ACACA: variants seen among roughly 807,000 people sequenced by gnomAD.
The protein encoded by ACACA is acetyl-CoA carboxylase 1.
A neutral mutation model predicts 296.1 loss-of-function variants in ACACA; 103 were observed. That is an observed-to-expected ratio of 0.35 (90% CI 0.30 to 0.41). The LOEUF is 0.41. ACACA is among the 10% of genes least tolerant of loss of function. The probability of loss-of-function intolerance (pLI) is 1.00; values close to 1 mark genes in which losing one functional copy is unlikely to be tolerated. For synonymous variants in ACACA, 953 were observed against 1,038.6 expected (o/e 0.92, Z 1.58); for missense variants, 1,554 against 2,989.7 (o/e 0.52, Z 11.20).
chr17:37,123,583 C>T lies in ACACA; in HGVS notation c.6042-956G>A, dbSNP rs545098888. Among the ~76,000 whole-genome samples, 68 of 152,272 alleles carry T rather than the reference C, an allele frequency of 4.5e-4. No individual in the cohort carries two copies. In the South Asian group the frequency reaches 0.014, roughly 31 times the overall value. On this transcript the variant is annotated intron_variant, in intron 48 of 55. Transcript: ENST00000616317. ...CACAGCATCTCCATAACAAACTTTT[C>T]CATGACAGATGGCCTTTGGTTGTTA...
chr17:37,153,526 C>T lies in ACACA; in HGVS notation c.5448-2105G>A, dbSNP rs185100003. ...TAGATTTTTGAAGTTTCTGTGAAAA[C>T]TCAATGAAGAACAAGAAATGTGGGT... is the stretch of plus-strand genomic sequence containing the variant. On this transcript the variant is annotated intron_variant, in intron 43 of 55. Transcript: ENST00000616317. 5.9e-3 allele frequency among the ~76,000 whole-genome samples: 905 copies of T among 152,226 alleles called. 7 individuals carry two copies. Among genetic ancestry groups the T allele is most frequent in the Middle Eastern group, 0.017 (5 of 294 alleles).
chr17:37,244,969 G>C, intron 20 of ACACA, 111 bp downstream of exon 20: 1 of 1,515,040 alleles, frequency 6.6e-7, no homozygotes, highest in Non-Finnish European at 9.2e-7. Flanking sequence ...ATTAATAGGG[G>C]ACAAAGCTAA....
intron 1 of ACACA, chr17:37,388,659 C>G: frequency 1.9e-6 from 3 of 1,611,048 alleles, no homozygotes; most frequent in Non-Finnish European, 2.5e-6. Flanking sequence ...CCACTCCCCT[C>G]TCTCCTTTAG....
At chr17:37,344,175 T>A (rs1417111950) in intron 1 of ACACA, among the ~76,000 whole-genome samples, 4 of 152,092 alleles carry the variant, frequency 2.6e-5, no homozygotes, top group Non-Finnish European at 4.4e-5. Flanking sequence ...ACACCTGTAA[T>A]CCCAGCATTC....
At chr17:37,164,715 A>T (rs1198808892) in intron 41 of ACACA, among the ~76,000 whole-genome samples, 1 of 152,110 alleles carries the variant, frequency 6.6e-6, no homozygotes, top group Non-Finnish European at 1.5e-5. Context: ...TCTAACCCCA[A>T]ACCTTTTGTT....
intron 11 of ACACA, among the ~76,000 whole-genome samples, chr17:37,259,954 T>C (rs576672642): frequency 3.3e-5 from 5 of 150,144 alleles, no homozygotes; most frequent in Admixed American, 6.7e-5. Flanking sequence ...ATCTCGTGGC[T>C]CACTGCAAAC....
chr17:37,383,254 C>T (rs1351519852), intron 1 of ACACA, among the ~76,000 whole-genome samples: 1 of 152,056 alleles, frequency 6.6e-6, no homozygotes, highest in Non-Finnish European at 1.5e-5. Flanking sequence ...CAATTAAGGA[C>T]ATTAGCTCTT....
chr17:37,331,281 C>A (rs1437320865), intron 2 of ACACA, among the ~76,000 whole-genome samples: 1 of 151,314 alleles, frequency 6.6e-6, no homozygotes, highest in African/African-American at 2.4e-5. Context: ...CAACACCCAG[C>A]TAATTTTTTG....
intron 25 of ACACA, among the ~76,000 whole-genome samples, chr17:37,233,376 AAGGAGCG>A (rs1448309493): frequency 2.0e-5 from 3 of 152,304 alleles, no homozygotes; most frequent in Non-Finnish European, 4.4e-5. Context: ...CACTCCGCAA[AAGGAGCG>A]AGCTGAGCCC....
At chr17:37,305,904 G>GTTTTT (rs200591761) in intron 3 of ACACA, among the ~76,000 whole-genome samples, 8 of 95,798 alleles carry the variant, frequency 8.4e-5, no homozygotes, top group Non-Finnish European at 1.8e-4. Flanking sequence ...TTTTTTTTTT[G>GTTTTT]TTTTTTTTTT....
chr17:37,181,432 G>A (rs2077313138), intron 39 of ACACA, 76 bp from the exon 40 acceptor site: 38 of 1,506,966 alleles, frequency 2.5e-5, no homozygotes, highest in Non-Finnish European at 3.4e-5. Context: ...GGCTTTTTTT[G>A]CACAAATATT....
chr17:37,286,172 G>A (rs2082762760), intron 3 of ACACA, among the ~76,000 whole-genome samples: 1 of 152,128 alleles, frequency 6.6e-6, no homozygotes, highest in South Asian at 2.1e-4. Flanking sequence ...TTACAGGCAT[G>A]AGCCACCGCG....
chr17:37,129,221 G>C lies in ACACA; in HGVS notation c.5944+144C>G, dbSNP rs1037333331. 6 of 1,093,556 alleles carry C rather than the reference G, an allele frequency of 5.5e-6. No homozygotes were observed. In the East Asian group the frequency reaches 1.2e-4, roughly 23 times the overall value. 67.7% of individuals were successfully genotyped at this position (1,093,556 alleles called of 1,614,324 possible). Reference sequence around the variant, plus strand: ...GATTTCCCACCTTTTTCTTCAGAGGGCTGGTTTTCAGGTCTTTCTCATTTC... The same window carrying C: ...GATTTCCCACCTTTTTCTTCAGAGGCCTGGTTTTCAGGTCTTTCTCATTTC... On this transcript the variant is annotated intron_variant, in intron 47 of 55. Transcript: ENST00000616317.
At chr17:37,277,251 A>G (rs1303752842) in intron 6 of ACACA, 137 bp from the exon 7 acceptor site, 2 of 774,844 alleles carry the variant, frequency 2.6e-6, no homozygotes, top group African/African-American at 1.7e-5. Flanking sequence ...TTCAGCTTCT[A>G]TGCTTGATTG....
intron 10 of ACACA, among the ~76,000 whole-genome samples, chr17:37,264,500 C>A (rs1392366716): frequency 2.0e-5 from 3 of 152,020 alleles, no homozygotes; most frequent in Non-Finnish European, 2.9e-5. Context: ...TTAAGATTTT[C>A]TCTCTTTCTG....
intron 33 of ACACA, among the ~76,000 whole-genome samples, chr17:37,203,135 T>G (rs1232802926): frequency 6.6e-6 from 1 of 151,906 alleles, no homozygotes; most frequent in African/African-American, 2.4e-5. Flanking sequence ...CTAATTTTTG[T>G]ATTTTCAGTA....
At position 37,207,757 on chromosome 17, in the gene ACACA, C is replaced by T; in HGVS notation, c.3751G>A (p.Val1251Ile). 6.2e-7 allele frequency: 1 copy of T among 1,613,978 alleles called. No individual in the cohort carries two copies. Among genetic ancestry groups the T allele is most frequent in the Non-Finnish European group, 8.5e-7 (1 of 1,179,878 alleles). ...SNLNHYGMTHVASVSDVLLDN... is the reference protein window; with the variant it reads ...SNLNHYGMTHIASVSDVLLDN... ...AACAGTACATCGCTGACACTAGCTA[C>T]ATGGGTCATGCCATAGTGGTTGAGG... Residue 1251 changes from valine to isoleucine, a missense_variant, in exon 31 of 56, where the codon GTA becomes ATA. By Grantham distance (29) the Val-to-Ile change is conservative. This residue lies in a region of ACACA where 179 missense variants were observed against 283.2 expected (regional missense o/e 0.63). Coordinates refer to ENST00000616317, the MANE Select transcript of ACACA (RefSeq NM_198834.3).
rs758895166 is a variant in ACACA at position 37,193,401 on chromosome 17, T to A, written c.4173A>T (p.Lys1391Asn). 5 of 1,602,190 alleles carry A rather than the reference T, an allele frequency of 3.1e-6. No individual in the cohort carries two copies. The highest frequency in any genetic ancestry group is 1.3e-5 in the African/African-American group (1 of 74,704). Residue 1391 changes from lysine (K) to asparagine (N), a missense_variant, in exon 36 of 56, where the codon AAA (lysine) becomes AAT (asparagine). Physicochemically the swap from Lys to Asn is moderately conservative, Grantham distance 94. This residue lies in a region of ACACA where 179 missense variants were observed against 283.2 expected (regional missense o/e 0.63). Transcript: ENST00000616317. ...TATCCCTTGCTCGGAATGTAAAAAA[T>A]TTAGGGAATTCTCTCTGTATTAAAG... Reference protein sequence around the residue: ...VDRRFHREFPKFFTFRARDKF... With the variant: ...VDRRFHREFPNFFTFRARDKF...
chr17:37,307,510 T>C (rs2083936829), intron 3 of ACACA, among the ~76,000 whole-genome samples: 1 of 152,208 alleles, frequency 6.6e-6, no homozygotes, highest in Admixed American at 6.6e-5. Context: ...TTACTTGACA[T>C]TTGGTATCTT....
Sources: gnomAD v4.1 joint callset for allele counts (sites outside exome capture counted in the v4.1 genomes callset) on GRCh38, gnomAD v4.1.1 for gene constraint, gnomAD v4.1.1 regional missense constraint, MANE v1.5 for transcripts, NCBI Gene and HGNC (gene_info 2026-07-23, HGNC 2026-07-21) for gene names.